The following AGMO variants were observed in gnomAD, a reference collection of about 807,000 sequenced individuals.
AGMO encodes glyceryl-ether monooxygenase.
Under a neutral mutation model 60.2 loss-of-function variants are expected in AGMO, and 75 were observed. The observed-to-expected ratio is 1.25, with a 90% CI of 1.03 to 1.51. The LOEUF is 1.51. AGMO is among the 40% of genes most tolerant of loss of function. AGMO has a pLI of 0.00. For synonymous variants in AGMO, 261 were observed against 177.1 expected (o/e 1.47, Z -3.76); for missense variants, 763 against 525.5 (o/e 1.45, Z -4.42).
chr7:15,265,749 A>G (rs773970275), intron 12 of AGMO, among the ~76,000 whole-genome samples: 1 of 152,126 alleles, frequency 6.6e-6, no homozygotes, highest in Non-Finnish European at 1.5e-5. Context: ...CTCTAAAACA[A>G]TTACTATATG....
intron 9 of AGMO, among the ~76,000 whole-genome samples, chr7:15,386,143 TG>T (rs1363609870): frequency 1.3e-5 from 2 of 151,572 alleles, no homozygotes; most frequent in Non-Finnish European, 2.9e-5. Context: ...ACTGCATGAC[TG>T]TTCTCCAACC....
chr7:15,270,205 TTG>T (rs1240950633), intron 12 of AGMO, among the ~76,000 whole-genome samples: 7 of 152,012 alleles, frequency 4.6e-5, no homozygotes, highest in African/African-American at 1.5e-4. Flanking sequence ...TTCATAGAGG[TTG>T]TACTAATTTA....
the AGMO span, among the ~76,000 whole-genome samples, chr7:15,131,751 G>T: frequency 2.6e-5 from 3 of 113,752 alleles, no homozygotes; most frequent in Non-Finnish European, 5.4e-5. Flanking sequence ...AAAAGCCAAA[G>T]AAATTAACAC....
chr7:15,504,158 G>T (rs945917868), intron 3 of AGMO, among the ~76,000 whole-genome samples: 1 of 151,880 alleles, frequency 6.6e-6, no homozygotes, highest in African/African-American at 2.4e-5. Context: ...TTTTTTAAAG[G>T]CAATGGTTAT....
intron 12 of AGMO, among the ~76,000 whole-genome samples, chr7:15,321,269 A>C (rs181660890): frequency 1.4e-4 from 21 of 152,256 alleles, no homozygotes; most frequent in African/African-American, 4.8e-4. Flanking sequence ...AGATTGTTGG[A>C]CAAAGAGGGG....
chr7:15,547,786 G>C (rs370558823), intron 2 of AGMO, among the ~76,000 whole-genome samples: 5 of 151,828 alleles, frequency 3.3e-5, no homozygotes, highest in Admixed American at 6.6e-5. Context: ...CAAAGCAGCC[G>C]GGAAGCTCCA....
intron 3 of AGMO, among the ~76,000 whole-genome samples, chr7:15,436,498 A>G (rs1303731831): frequency 1.3e-5 from 2 of 152,160 alleles, no homozygotes; most frequent in African/African-American, 2.4e-5. Context: ...AACACCTCCC[A>G]TTAGGCCCCA....
At chr7:15,259,722 C>G (rs901492871) in intron 12 of AGMO, among the ~76,000 whole-genome samples, 1 of 151,848 alleles carries the variant, frequency 6.6e-6, no homozygotes, top group East Asian at 1.9e-4. Flanking sequence ...AGCAGAATCC[C>G]TACAAGCTAG....
intron 12 of AGMO, among the ~76,000 whole-genome samples, chr7:15,350,151 C>G (rs1365761814): frequency 6.6e-6 from 1 of 152,048 alleles, no homozygotes; most frequent in Non-Finnish European, 1.5e-5. Context: ...GTTTTTTCTC[C>G]ATTTCATCAT....
chr7:15,174,810 G>A, the AGMO span, among the ~76,000 whole-genome samples: 10 of 151,890 alleles, frequency 6.6e-5, no homozygotes, highest in African/African-American at 2.2e-4. Context: ...GACATTCAAA[G>A]ATTGAATTAA....
At chr7:15,320,674 G>T (rs1200383474) in intron 12 of AGMO, among the ~76,000 whole-genome samples, 1 of 151,784 alleles carries the variant, frequency 6.6e-6, no homozygotes, top group African/African-American at 2.4e-5. Context: ...GTCTTTCCTG[G>T]GATATAAGCT....
At chr7:15,395,789 A>T (rs1335465998) in intron 5 of AGMO, among the ~76,000 whole-genome samples, 1 of 152,230 alleles carries the variant, frequency 6.6e-6, no homozygotes, top group East Asian at 1.9e-4. Flanking sequence ...AAATTGCCTA[A>T]GTCTCAGACA....
chr7:15,354,324 AC>A (rs1782373641), intron 12 of AGMO, among the ~76,000 whole-genome samples: 10 of 75,516 alleles, frequency 1.3e-4, no homozygotes, highest in African/African-American at 2.5e-4. Flanking sequence ...GCGTGTATAT[AC>A]GTACGCGTGT....
intron 4 of AGMO, among the ~76,000 whole-genome samples, chr7:15,427,984 A>ACTTAATTTCACATTTCAATGTCAAATGAG (rs1781117083): frequency 1.4e-5 from 2 of 146,768 alleles, no homozygotes; most frequent in African/African-American, 5.0e-5. Context: ...GAAGAAATAT[A>ACTTAATTTCACATTTCAATGTCAAATGAG]CTTAATTTCA....
Position 15,547,197 on chromosome 7 carries a change from T to C in AGMO, c.258-2274A>G, listed in dbSNP as rs374251067. 4.6e-5 allele frequency among the ~76,000 whole-genome samples: 7 copies of C among 151,324 alleles called. No individual in the cohort carries two copies. In the East Asian group the frequency reaches 1.2e-3, roughly 25 times the overall value. On this transcript the variant is annotated intron_variant, in intron 2 of 12. Transcript: ENST00000342526. ...TAGGACCCTTCCTTCTCACCTCAGC[T>C]ATGACTACAAAAATGTCTCCAGATA...
intron 12 of AGMO, among the ~76,000 whole-genome samples, chr7:15,265,110 G>C (rs963468637): frequency 1.3e-5 from 2 of 152,234 alleles, no homozygotes; most frequent in East Asian, 3.9e-4. Context: ...TATTAAAAAA[G>C]AATGAAATCA....
chr7:15,389,977 C>T (rs1221954032), intron 8 of AGMO, among the ~76,000 whole-genome samples: 1 of 152,096 alleles, frequency 6.6e-6, no homozygotes, highest in African/African-American at 2.4e-5. Flanking sequence ...TGTAACCAGT[C>T]CCCCGTACAG....
chr7:15,335,257 T>C (rs1269666596), intron 12 of AGMO, among the ~76,000 whole-genome samples: 1 of 152,092 alleles, frequency 6.6e-6, no homozygotes, highest in Non-Finnish European at 1.5e-5. Context: ...TTAGCTATTG[T>C]TAATGAATAG....
chr7:15,229,212 C>T (rs1782178210), intron 12 of AGMO, among the ~76,000 whole-genome samples: 1 of 152,022 alleles, frequency 6.6e-6, no homozygotes, highest in African/African-American at 2.4e-5. Flanking sequence ...AACAACTCTT[C>T]ACTTTGGGAT....
Sources: allele counts gnomAD v4.1 joint callset (sites outside exome capture counted in the v4.1 genomes callset), GRCh38; gene constraint gnomAD v4.1.1; transcripts MANE v1.5; gene names NCBI Gene and HGNC (gene_info 2026-07-23, HGNC 2026-07-21).